MAPRE2: variants seen among roughly 807,000 people sequenced by gnomAD.
MAPRE2 encodes microtubule associated protein RP/EB family member 2.
A neutral mutation model predicts 43.2 loss-of-function variants in MAPRE2; 13 were observed. That is an observed-to-expected ratio of 0.30 (90% CI 0.20 to 0.48). MAPRE2 has a LOEUF of 0.48. MAPRE2 is among the 20% of genes least tolerant of loss of function. The pLI is 0.99. For synonymous variants in MAPRE2, 135 were observed against 148.8 expected (o/e 0.91, Z 0.68); for missense variants, 161 against 400.2 (o/e 0.40, Z 5.10).
In MAPRE2 at chr18:35,140,395, C is replaced by T. The variant is rs3786313; in HGVS notation, c.*26C>T. ...CCCACCCCGGCTGCTCTTGACACTTCCATTGTGTGTGGGAACGTTTCTTCT... is the reference window on the plus strand; with the variant it reads ...CCCACCCCGGCTGCTCTTGACACTTTCATTGTGTGTGGGAACGTTTCTTCT... On this transcript the variant is annotated 3_prime_UTR_variant, in exon 7 of 7. Transcript: ENST00000300249. 0.12 allele frequency: 189,375 copies of T among 1,587,982 alleles called. 13,447 individuals are homozygous for T. Among genetic ancestry groups the T allele is most frequent in the South Asian group, 0.24 (21,296 of 87,376 alleles).
rs575867009 is a variant in MAPRE2, at chr18:35,028,255, A to G, written c.-8+22702A>G. The stretch of plus-strand genomic sequence containing the variant: ...GGCCACAGGGGCAAGGCAGGAACCT[A>G]GGTTTATATCTCAAAATGTTACCTT... On this transcript the variant is annotated intron_variant, in intron 2 of 7. Transcript: ENST00000413393. 4.6e-5 allele frequency among the ~76,000 whole-genome samples: 7 copies of G among 152,338 alleles called. No homozygotes were observed. The South Asian group carries it at 1.4e-3, about 32-fold the overall frequency.
chr18:34,999,863 C>T (rs111870615), intron 1 of MAPRE2, among the ~76,000 whole-genome samples: 4 of 152,172 alleles, frequency 2.6e-5, no homozygotes, highest in African/African-American at 9.6e-5. Context: ...GGGGAAGTTG[C>T]ACAGGAGAGG....
In MAPRE2 at chr18:35,069,209, A is replaced by G. The variant is rs558895302; in HGVS notation, c.123-986A>G. On this transcript the variant is annotated intron_variant, in intron 1 of 6. Coordinates refer to ENST00000300249, the MANE Select transcript of MAPRE2 (RefSeq NM_014268.4). Reference sequence around the variant, plus strand: ...TTTTTAATTGCAAGGAAAGATTAGAAATAGAGAAGAAACTTTATAAAGAAA... The same window carrying G: ...TTTTTAATTGCAAGGAAAGATTAGAGATAGAGAAGAAACTTTATAAAGAAA... Among the ~76,000 whole-genome samples, 11 of 152,298 alleles carry G rather than the reference A, an allele frequency of 7.2e-5. No homozygotes were observed. In the South Asian group the frequency reaches 2.1e-3, roughly 29 times the overall value.
intron 5 of MAPRE2, among the ~76,000 whole-genome samples, chr18:35,127,883 T>C (rs1909977494): frequency 6.6e-6 from 1 of 152,230 alleles, no homozygotes; most frequent in South Asian, 2.1e-4. Flanking sequence ...ACTGCTCATC[T>C]TTCCTAAGAT....
At chr18:34,990,635 C>G (rs2097023283) in intron 1 of MAPRE2, among the ~76,000 whole-genome samples, 1 of 152,160 alleles carries the variant, frequency 6.6e-6, no homozygotes, top group Non-Finnish European at 1.5e-5. Context: ...GTGTAAACCA[C>G]TGATGCCCTA....
At chr18:35,016,106 A>T (rs1396383444) in intron 2 of MAPRE2, among the ~76,000 whole-genome samples, 1 of 151,908 alleles carries the variant, frequency 6.6e-6, no homozygotes, top group Non-Finnish European at 1.5e-5. Flanking sequence ...AGCTGCATCC[A>T]TGTTGCTGTA....
chr18:35,020,669 CT>C (rs762097451), intron 2 of MAPRE2, among the ~76,000 whole-genome samples: 17 of 152,092 alleles, frequency 1.1e-4, no homozygotes, highest in Non-Finnish European at 2.5e-4. Flanking sequence ...TCTAACCACT[CT>C]TGCCTCCTAC....
intron 1 of MAPRE2, among the ~76,000 whole-genome samples, chr18:35,004,178 T>C (rs72950559): frequency 0.032 from 4,869 of 152,258 alleles, 130 homozygotes; most frequent in Non-Finnish European, 0.043. Context: ...AGAAAAACTA[T>C]AAAATGCCAC....
chr18:35,051,533 C>G (rs1905935466), intron 1 of MAPRE2, among the ~76,000 whole-genome samples: 1 of 152,214 alleles, frequency 6.6e-6, no homozygotes, highest in African/African-American at 2.4e-5. Context: ...ACTGCTACCT[C>G]TACTCCAGTT....
chr18:34,977,909 T>A (rs1052314184), intron 1 of MAPRE2, among the ~76,000 whole-genome samples: 1 of 152,140 alleles, frequency 6.6e-6, no homozygotes, highest in African/African-American at 2.4e-5. Flanking sequence ...CCTCTGAACC[T>A]GGGGCGCTCG....
intron 1 of MAPRE2, among the ~76,000 whole-genome samples, chr18:34,983,790 C>T (rs568872981): frequency 2.0e-5 from 3 of 152,102 alleles, no homozygotes; most frequent in South Asian, 2.1e-4. Context: ...CCACCATATC[C>T]GGCTAATTTT....
chr18:35,118,557 C>T (rs1029557313), intron 4 of MAPRE2, among the ~76,000 whole-genome samples: 1 of 152,156 alleles, frequency 6.6e-6, no homozygotes, highest in Non-Finnish European at 1.5e-5. Flanking sequence ...CTTGGGCACT[C>T]ACTGCTCATA....
intron 1 of MAPRE2, among the ~76,000 whole-genome samples, chr18:35,061,783 A>ACCCTCTTTGACT (rs1315126779): frequency 6.6e-6 from 1 of 152,140 alleles, no homozygotes; most frequent in Admixed American, 6.5e-5. Context: ...TTTCAGAGAC[A>ACCCTCTTTGACT]CCCTCTTTGA....
At chr18:35,073,646 G>A (rs1336576561) in intron 2 of MAPRE2, among the ~76,000 whole-genome samples, 4 of 151,978 alleles carry the variant, frequency 2.6e-5, no homozygotes, top group Admixed American at 2.0e-4. Flanking sequence ...TTTTCCTATT[G>A]CATTATTTCC....
At chr18:35,093,722 A>G (rs1196417861) in intron 2 of MAPRE2, among the ~76,000 whole-genome samples, 4 of 152,198 alleles carry the variant, frequency 2.6e-5, no homozygotes, top group Non-Finnish European at 4.4e-5. Flanking sequence ...AGTTGATCTC[A>G]TAGAAATAGA....
chr18:35,078,540 T>TA (rs1907479641), intron 2 of MAPRE2, among the ~76,000 whole-genome samples: 1 of 152,162 alleles, frequency 6.6e-6, no homozygotes, highest in Admixed American at 6.5e-5. Context: ...TTTATGAGGC[T>TA]AAAAGCTCCA....
intron 1 of MAPRE2, among the ~76,000 whole-genome samples, chr18:34,985,121 T>C (rs2097018898): frequency 1.2e-5 from 1 of 84,540 alleles, no homozygotes; most frequent in Non-Finnish European, 2.0e-5. Flanking sequence ...TTATATACTA[T>C]ATTATATATA....
chr18:35,041,044 ATTGAAGGAG>A (rs1180027409), upstream of MAPRE2, among the ~76,000 whole-genome samples: 2 of 152,212 alleles, frequency 1.3e-5, no homozygotes, highest in Non-Finnish European at 2.9e-5. Context: ...AAAACTTGGT[ATTGAAGGAG>A]TTAAAGGGTC....
At chr18:35,054,412 C>A (rs958020614) in intron 1 of MAPRE2, among the ~76,000 whole-genome samples, 1 of 152,182 alleles carries the variant, frequency 6.6e-6, no homozygotes, top group African/African-American at 2.4e-5. Flanking sequence ...TACTAGATTT[C>A]GTGGGTGCCA....
Sources: gnomAD v4.1 joint callset for allele counts (sites outside exome capture counted in the v4.1 genomes callset) on GRCh38, gnomAD v4.1.1 for gene constraint, MANE v1.5 for transcripts, NCBI Gene and HGNC (gene_info 2026-07-23, HGNC 2026-07-21) for gene names.